Variants in CEP152 observed in about 807,000 individuals in gnomAD.
CEP152 encodes the protein centrosomal protein 152.
A neutral mutation model predicts 188.9 loss-of-function variants in CEP152; 132 were observed. That is an observed-to-expected ratio of 0.70 (90% CI 0.61 to 0.81). CEP152 has a LOEUF of 0.81. Ranked by LOEUF, CEP152 falls within the 30% of genes least tolerant of loss-of-function variation. The probability of loss-of-function intolerance (pLI) is 0.00; values close to 1 mark genes in which losing one functional copy is unlikely to be tolerated. For synonymous variants in CEP152, 649 were observed against 666.6 expected, an observed-to-expected ratio of 0.97 and a Z score of 0.41; for missense variants, 1,914 against 1,969.8, an observed-to-expected ratio of 0.97 and a Z score of 0.54.
At chr15:48,763,660 G>A (rs933750354) in intron 17 of CEP152, among the ~76,000 whole-genome samples, 7 of 152,076 alleles carry the variant, frequency 4.6e-5, no homozygotes, top group African/African-American at 9.7e-5. Context: ...GAGACAGAGC[G>A]AGGCTCCGTC....
downstream of CEP152, among the ~76,000 whole-genome samples, chr15:48,733,114 TG>T (rs1892481290): frequency 6.6e-6 from 1 of 152,104 alleles, no homozygotes; most frequent in Non-Finnish European, 1.5e-5. Context: ...TATAAAATGA[TG>T]TTTTTGTATC....
chr15:48,734,126 T>G (rs1892515379), downstream of CEP152, among the ~76,000 whole-genome samples: 1 of 151,888 alleles, frequency 6.6e-6, no homozygotes, highest in African/African-American at 2.4e-5. Context: ...AATATACATT[T>G]CTTCTATTAA....
At chr15:48,802,387 T>C (rs1469115110) in intron 2 of CEP152, among the ~76,000 whole-genome samples, 3 of 152,142 alleles carry the variant, frequency 2.0e-5, no homozygotes, top group African/African-American at 7.2e-5. Flanking sequence ...TAATTGATAT[T>C]AACTGACGAT....
chr15:48,767,247 C>T (rs1468081575), intron 16 of CEP152, 55 bp from the exon 17 acceptor site: 2 of 1,613,792 alleles, frequency 1.2e-6, no homozygotes, highest in Non-Finnish European at 1.7e-6. Flanking sequence ...AATACAAGAG[C>T]TGCATAACAA....
downstream of CEP152, among the ~76,000 whole-genome samples, chr15:48,734,717 G>A (rs1385902509): frequency 6.6e-6 from 1 of 152,098 alleles, no homozygotes; most frequent in Non-Finnish European, 1.5e-5. Flanking sequence ...TAAGAGAGCT[G>A]CAGTGGCTGT....
chr15:48,804,294 C>T (rs978878526), intron 2 of CEP152, among the ~76,000 whole-genome samples: 2 of 152,246 alleles, frequency 1.3e-5, no homozygotes, highest in African/African-American at 4.8e-5. Context: ...TAAAAGCACT[C>T]TGCAACCAAC....
intron 1 of CEP152, among the ~76,000 whole-genome samples, chr15:48,807,561 CAAA>C (rs11320949): frequency 1.4e-4 from 15 of 109,086 alleles, no homozygotes; most frequent in Non-Finnish European, 1.7e-4. Context: ...GACTCCGTCT[CAAA>C]AAAAAAAAAA....
At chr15:48,798,111 G>A (rs1897435614) in intron 2 of CEP152, 60 bp from the exon 3 acceptor site, 3 of 1,391,866 alleles carry the variant, frequency 2.2e-6, no homozygotes, top group Non-Finnish European at 3.1e-6. Flanking sequence ...CCAAGCCAAA[G>A]CTGCCTTGGA....
At chr15:48,754,658 T>C (rs1894129430) in intron 20 of CEP152, among the ~76,000 whole-genome samples, 1 of 152,118 alleles carries the variant, frequency 6.6e-6, no homozygotes, top group African/African-American at 2.4e-5. Context: ...TGGGGTGAAG[T>C]AGGATGGAGT....
intron 13 of CEP152, 126 bp downstream of exon 13, chr15:48,772,361 T>C: frequency 1.3e-6 from 1 of 779,486 alleles, no homozygotes. Flanking sequence ...CAGGGAGCCA[T>C]GTTTCCACCA....
intron 3 of CEP152, 57 bp from the exon 4 acceptor site, chr15:48,797,787 A>G (rs1897403792): frequency 6.3e-7 from 1 of 1,583,138 alleles, no homozygotes; most frequent in Non-Finnish European, 8.7e-7. Flanking sequence ...TACATAGATA[A>G]CACAAAGAAC....
intron 19 of CEP152, 45 bp downstream of exon 19, chr15:48,760,090 C>T: frequency 6.2e-7 from 1 of 1,612,900 alleles, no homozygotes; most frequent in Non-Finnish European, 8.5e-7. Flanking sequence ...GAGAAGGGGT[C>T]AGGTAAGACA....
chr15:48,790,827 C>T (rs1896946184), intron 8 of CEP152, among the ~76,000 whole-genome samples: 1 of 152,204 alleles, frequency 6.6e-6, no homozygotes, highest in Non-Finnish European at 1.5e-5. Flanking sequence ...CTCGGCTTCC[C>T]AAAGTGCTGG....
rs537376932 is a variant in CEP152, at chr15:48,798,053, T to C, written c.88-2A>G. 15 of 1,612,740 alleles carry C rather than the reference T, an allele frequency of 9.3e-6. No individual in the cohort carries two copies. In the East Asian group the frequency reaches 3.1e-4, roughly 34 times the overall value. On this transcript the variant is annotated splice_acceptor_variant, in intron 2 of 26. Coordinates refer to ENST00000380950, the MANE Select transcript of CEP152 (RefSeq NM_001194998.2). LOFTEE classifies it high-confidence loss of function. ...AAGGTCTGTGAGTAACTGCTGCAACTGAGTCAAAAGGTCTGCATCAATATC... is the reference window on the plus strand; with the variant it reads ...AAGGTCTGTGAGTAACTGCTGCAACCGAGTCAAAAGGTCTGCATCAATATC...
At chr15:48,731,665 C>G (rs1203632783) in intron 2 of CEP152, among the ~76,000 whole-genome samples, 1 of 152,126 alleles carries the variant, frequency 6.6e-6, no homozygotes, top group African/African-American at 2.4e-5. Context: ...GCAATTGCAA[C>G]AAAAACCAGA....
At position 48,739,232 on chromosome 15, in the gene CEP152, C is replaced by T. The variant is rs2140547036; in HGVS notation, c.4150G>A (p.Val1384Met). The T allele has an allele frequency of 1.9e-6, 3 of 1,613,510 alleles. No individual in the cohort carries two copies. Among genetic ancestry groups the T allele is most frequent in the Non-Finnish European group, 2.5e-6 (3 of 1,179,874 alleles). Residue 1384 changes from valine (V) to methionine (M), a missense_variant, in exon 27 of 27, where the codon GTG (valine) becomes ATG (methionine). Transcript: ENST00000380950. ...ATACAACATGGTATTTTCTGATTCA[C>T]ATCATTTCTTTTTGATTTTTTAACT... ...IAVKKSKRNDVNQKIPCCIES... is the reference protein window; with the variant it reads ...IAVKKSKRNDMNQKIPCCIES...
intron 9 of CEP152, among the ~76,000 whole-genome samples, chr15:48,785,217 C>T (rs1379600331): frequency 6.6e-6 from 1 of 152,148 alleles, no homozygotes; most frequent in Non-Finnish European, 1.5e-5. Context: ...TACATAACTA[C>T]CTTGAAGCAA....
rs1215130028 is a variant in CEP152 at position 48,767,197 on chromosome 15, G to A, written c.2148-5C>T. 1 of 1,613,726 alleles carries A rather than the reference G, an allele frequency of 6.2e-7. No individual in the cohort carries two copies. The highest frequency in any genetic ancestry group is 8.5e-7 in the Non-Finnish European group (1 of 1,180,000). On this transcript the variant is annotated splice_region_variant and splice_polypyrimidine_tract_variant and intron_variant, in intron 16 of 26. Coordinates refer to ENST00000380950, the MANE Select transcript of CEP152 (RefSeq NM_001194998.2). ...TTCAACTTATCCAACTCAGACCTTG[G>A]ATACACAAAACCAGCAACTAAATGA...
At position 48,738,893 on chromosome 15, in the gene CEP152, GGTA is replaced by G; in HGVS notation, c.4486_4488del (p.Tyr1496del). 1 of 1,614,172 alleles carries G rather than the reference GGTA, an allele frequency of 6.2e-7. No homozygotes were observed. The highest frequency in any genetic ancestry group is 8.5e-7 in the Non-Finnish European group (1 of 1,180,020). On this transcript the variant is annotated inframe_deletion, in exon 27 of 27. Transcript: ENST00000380950. Reference sequence around the variant, plus strand: ...TTATTTCCTAAGGTTCCAAGAAAGGGGTATGCAGCTGAATGCGGAAGTGATTCA... The same window carrying G: ...TTATTTCCTAAGGTTCCAAGAAAGGGTGCAGCTGAATGCGGAAGTGATTCA...
Sources: gnomAD v4.1 joint callset for allele counts (sites outside exome capture counted in the v4.1 genomes callset) on GRCh38, gnomAD v4.1.1 for gene constraint, MANE v1.5 for transcripts, NCBI Gene and HGNC (gene_info 2026-07-23, HGNC 2026-07-21) for gene names.